Variants in RARB observed in about 807,000 individuals in gnomAD.
The protein encoded by RARB is retinoic acid receptor beta, also known as HBV-activated protein.
Under a neutral mutation model 51.9 loss-of-function variants are expected in RARB, and 17 were observed. The observed-to-expected ratio is 0.33, with a 90% CI of 0.22 to 0.49. The LOEUF is 0.49. Among genes scored for constraint, RARB ranks in the 20% least tolerant of loss-of-function variants. The pLI is 0.99. For synonymous variants in RARB, 215 were observed against 195.4 expected, an observed-to-expected ratio of 1.10 and a Z score of -0.84; for missense variants, 369 against 550.8, an observed-to-expected ratio of 0.67 and a Z score of 3.30.
intron 5 of RARB, among the ~76,000 whole-genome samples, chr3:25,190,777 A>G (rs1701084869): frequency 6.6e-6 from 1 of 152,144 alleles, no homozygotes; most frequent in South Asian, 2.1e-4. Flanking sequence ...CGTGCTGCTT[A>G]GAATGAGTTC....
chr3:25,358,882 A>T (rs1705834657), intron 5 of RARB, among the ~76,000 whole-genome samples: 1 of 151,914 alleles, frequency 6.6e-6, no homozygotes, highest in Non-Finnish European at 1.5e-5. Flanking sequence ...TCAGTTTGCC[A>T]GTATTTTATT....
chr3:25,243,925 G>A (rs143805943), intron 5 of RARB, among the ~76,000 whole-genome samples: 6,502 of 152,202 alleles, frequency 0.043, 175 homozygotes, highest in Non-Finnish European at 0.068. Flanking sequence ...ATTCAGCTGT[G>A]AATCCATCTG....
At chr3:24,889,135 G>A (rs994114121) in intron 2 of RARB, among the ~76,000 whole-genome samples, 2 of 152,152 alleles carry the variant, frequency 1.3e-5, no homozygotes, top group African/African-American at 4.8e-5. Context: ...CCAAATGGGT[G>A]GATTCATCAA....
At chr3:25,559,173 G>C (rs867606446) in intron 3 of RARB, among the ~76,000 whole-genome samples, 1 of 152,012 alleles carries the variant, frequency 6.6e-6, no homozygotes, top group Non-Finnish European at 1.5e-5. Context: ...TGCGCACATT[G>C]GTCCCTTCAT....
intron 3 of RARB, among the ~76,000 whole-genome samples, chr3:25,508,813 C>T (rs1255470987): frequency 2.6e-5 from 4 of 151,696 alleles, no homozygotes. Context: ...CTAAAAATGT[C>T]CTAGAAGCTG....
chr3:24,862,311 G>A (rs1292174115), intron 2 of RARB, among the ~76,000 whole-genome samples: 3 of 152,154 alleles, frequency 2.0e-5, no homozygotes, highest in Non-Finnish European at 2.9e-5. Flanking sequence ...ATAAGGTAGC[G>A]AATTATATGA....
chr3:25,021,452 G>T (rs181234834), intron 2 of RARB, among the ~76,000 whole-genome samples: 5 of 151,928 alleles, frequency 3.3e-5, no homozygotes, highest in African/African-American at 9.7e-5. Context: ...CTTAAAAGCC[G>T]TAAACTCACC....
rs546086828 is a variant in RARB at position 25,037,445 on chromosome 3, A to C, written c.-379-22680A>C. ...ACTTTTCCCTGACTGTTTTGTTCAC[A>C]CTGCAATGAGAGATAAAACCTCAGA... is the stretch of plus-strand genomic sequence containing the variant. On this transcript the variant is annotated intron_variant, in intron 2 of 11. Transcript: ENST00000383772. Among the ~76,000 whole-genome samples, 13 of 152,216 alleles carry C rather than the reference A, an allele frequency of 8.5e-5. No homozygotes were observed. The South Asian group carries it at 2.7e-3, about 32-fold the overall frequency.
chr3:25,400,800 T>G (rs2125494156), intron 5 of RARB, among the ~76,000 whole-genome samples: 1 of 152,240 alleles, frequency 6.6e-6, no homozygotes, highest in East Asian at 1.9e-4. Flanking sequence ...CTTTTACTTC[T>G]GGCTGGGATG....
intron 5 of RARB, among the ~76,000 whole-genome samples, chr3:25,201,576 A>G (rs1701390296): frequency 6.6e-6 from 1 of 152,164 alleles, no homozygotes; most frequent in Admixed American, 6.5e-5. Flanking sequence ...TTTGTCATAA[A>G]TAGCTCTTAT....
intron 5 of RARB, among the ~76,000 whole-genome samples, chr3:25,178,267 G>C (rs1700795307): frequency 6.6e-6 from 1 of 152,094 alleles, no homozygotes; most frequent in African/African-American, 2.4e-5. Flanking sequence ...ATAGCATAGA[G>C]TTTCTGTAAG....
chr3:25,336,027 G>T (rs1255782360), intron 5 of RARB, among the ~76,000 whole-genome samples: 1 of 150,126 alleles, frequency 6.7e-6, no homozygotes, highest in Non-Finnish European at 1.5e-5. Context: ...TTCCTAATAG[G>T]TTTTTTTCAG....
At chr3:25,289,135 A>C (rs1309590347) in intron 5 of RARB, among the ~76,000 whole-genome samples, 1 of 152,234 alleles carries the variant, frequency 6.6e-6, no homozygotes, top group Non-Finnish European at 1.5e-5. Flanking sequence ...ATTTAGAGCC[A>C]ACTTCAATTT....
At chr3:25,500,636 G>A (rs1658664915) in intron 2 of RARB, among the ~76,000 whole-genome samples, 1 of 151,272 alleles carries the variant, frequency 6.6e-6, no homozygotes, top group South Asian at 2.1e-4. Flanking sequence ...GCACAACTGT[G>A]CCTGCTAATT....
chr3:25,421,309 C>A (rs569563895), intron 5 of RARB, among the ~76,000 whole-genome samples: 1 of 150,826 alleles, frequency 6.6e-6, no homozygotes, highest in South Asian at 2.1e-4. Flanking sequence ...ACAGAAGATT[C>A]TCTGGTACAG....
chr3:25,396,933 G>C (rs573982971), intron 5 of RARB, among the ~76,000 whole-genome samples: 1 of 152,246 alleles, frequency 6.6e-6, no homozygotes, highest in African/African-American at 2.4e-5. Flanking sequence ...GAGTATGGCT[G>C]AGATCTTGCC....
At chr3:25,518,698 C>T (rs187059465) in intron 3 of RARB, among the ~76,000 whole-genome samples, 112 of 152,248 alleles carry the variant, frequency 7.4e-4, no homozygotes, top group African/African-American at 2.3e-3. Flanking sequence ...AGTTCTCCTT[C>T]AAATAATGCA....
At chr3:24,984,617 T>C (rs1029280095) in intron 2 of RARB, among the ~76,000 whole-genome samples, 2 of 152,206 alleles carry the variant, frequency 1.3e-5, no homozygotes, top group Non-Finnish European at 2.9e-5. Flanking sequence ...CAGAGAAATA[T>C]TCATCAAAGG....
chr3:25,522,760 G>A (rs11928661), intron 3 of RARB, among the ~76,000 whole-genome samples: 5,143 of 152,096 alleles, frequency 0.034, 296 homozygotes, highest in African/African-American at 0.12. Flanking sequence ...TAGAGCCGTC[G>A]GGCATCTCCA....
Sources: gnomAD v4.1 joint callset for allele counts (sites outside exome capture counted in the v4.1 genomes callset) on GRCh38, gnomAD v4.1.1 for gene constraint, MANE v1.5 for transcripts, NCBI Gene and HGNC (gene_info 2026-07-23, HGNC 2026-07-21) for gene names.